The following COL12A1 variants were observed in gnomAD, a reference collection of about 807,000 sequenced individuals.
COL12A1 encodes the protein collagen alpha-1(XII) chain.
COL12A1 carries 114 observed loss-of-function variants against 349.7 expected under a neutral mutation model. The ratio of observed to expected loss-of-function variants is 0.33; its 90% confidence interval spans 0.28 to 0.38. COL12A1 has a LOEUF of 0.38. Among genes scored for constraint, COL12A1 ranks in the 10% least tolerant of loss-of-function variants. The pLI, the probability that COL12A1 is intolerant of heterozygous loss-of-function variation, is 1.00. For synonymous variants in COL12A1, 1,369 were observed against 1,329.0 expected, an observed-to-expected ratio of 1.03 and a Z score of -0.66; for missense variants, 3,284 against 3,756.9, an observed-to-expected ratio of 0.87 and a Z score of 3.29.
In COL12A1 at chr6:75,189,777, C is replaced by G. The variant is rs750624029; in HGVS notation, c.433G>C (p.Val145Leu). 1 of 1,613,096 alleles carries G rather than the reference C, an allele frequency of 6.2e-7. No homozygotes were observed. Among genetic ancestry groups the G allele is most frequent in the Non-Finnish European group, 8.5e-7 (1 of 1,179,282 alleles). ...VSAWTDLVFLVDGSWSVGRNN... is the reference protein window; with the variant it reads ...VSAWTDLVFLLDGSWSVGRNN... Reference sequence around the variant, plus strand: ...CTTCCCACACTCCAAGAGCCATCCACGAGGAAAACCAAATCAGTCCAGGCA... The same window carrying G: ...CTTCCCACACTCCAAGAGCCATCCAGGAGGAAAACCAAATCAGTCCAGGCA... Residue 145 changes from valine to leucine, a missense_variant, in exon 6 of 66, where the codon GTG becomes CTG. Val to Leu is a conservative substitution (Grantham distance 32). Coordinates refer to ENST00000322507, the MANE Select transcript of COL12A1 (RefSeq NM_004370.6).
Position 75,184,127 on chromosome 6 carries a change from T to C in COL12A1, c.1015A>G (p.Asn339Asp), listed in dbSNP as rs545605520. 1.2e-6 allele frequency: 2 copies of C among 1,613,720 alleles called. No homozygotes were observed. Among genetic ancestry groups the C allele is most frequent in the African/African-American group, 1.3e-5 (1 of 75,034 alleles). ...GAAGAGACTTCCATGGCAATCAAAT[T>C]TGAAGGAGGCTCAACAACTAAAAAG... ...SGEEVVEPPS[N>D]LIAMEVSSKY... Residue 339 changes from asparagine to aspartate, a missense_variant, in exon 9 of 66, where the codon AAT (asparagine) becomes GAT (aspartate). Coordinates refer to ENST00000322507, the MANE Select transcript of COL12A1 (RefSeq NM_004370.6).
In COL12A1 at chr6:75,189,383, T is replaced by A; in HGVS notation, c.659-2A>T. 1 of 1,611,450 alleles carries A rather than the reference T, an allele frequency of 6.2e-7. No individual in the cohort carries two copies. The highest frequency in any genetic ancestry group is 8.5e-7 in the Non-Finnish European group (1 of 1,179,054). On this transcript the variant is annotated splice_acceptor_variant, in intron 6 of 65. Coordinates refer to ENST00000322507, the MANE Select transcript of COL12A1 (RefSeq NM_004370.6). LOFTEE classifies it high-confidence loss of function. Reference sequence around the variant, plus strand: ...TAACTAAATAATCAATGGCATCCCCTAAAGGGAAAAGAAACATGTTCATTT... The same window carrying A: ...TAACTAAATAATCAATGGCATCCCCAAAAGGGAAAAGAAACATGTTCATTT...
intron 10 of COL12A1, 53 bp downstream of exon 10, chr6:75,182,997 C>A (rs1769396347): frequency 6.6e-7 from 1 of 1,524,768 alleles, no homozygotes; most frequent in African/African-American, 1.4e-5. Flanking sequence ...AATTTTAGAA[C>A]CAAAAATTCT....
At chr6:75,114,764 A>T (rs911355762) in intron 49 of COL12A1, among the ~76,000 whole-genome samples, 1 of 152,114 alleles carries the variant, frequency 6.6e-6, no homozygotes, top group Non-Finnish European at 1.5e-5. Context: ...TATTTTCTTC[A>T]CATCAACTCA....
At position 75,119,182 on chromosome 6, in the gene COL12A1, C is replaced by G. The variant is rs568748031; in HGVS notation, c.7215G>C (p.Lys2405Asn). 2 of 1,613,770 alleles carry G rather than the reference C, an allele frequency of 1.2e-6. No homozygotes were observed. The highest frequency in any genetic ancestry group is 1.3e-5 in the African/African-American group (1 of 74,894). Residue 2405 changes from lysine (K) to asparagine (N), a missense_variant, in exon 46 of 66, where the codon AAG becomes AAC. Transcript: ENST00000322507. ...RYRGGNTRTG[K>N]ALTFIKEKVL... ...CTTTCTCCTTGATAAACGTGAGGGC[C>G]TTGCCTACAGAATGTGGCATGGAAA...
At chr6:75,180,903 ATT>A (rs1491322006) in intron 11 of COL12A1, 34 bp downstream of exon 11, 17 of 1,580,858 alleles carry the variant, frequency 1.1e-5, no homozygotes, top group Non-Finnish European at 1.5e-5. Context: ...TAAATTATTC[ATT>A]TTCTGAATAA....
At position 75,091,448 on chromosome 6, in the gene COL12A1, T is replaced by C. The variant is rs745307208; in HGVS notation, c.8685+42A>G. On this transcript the variant is annotated intron_variant, in intron 61 of 65. Transcript: ENST00000322507. ...GTTCTATAGTTTTAGGCTTCAATGT[T>C]TAACACACAAAATAAACGTAAGATT... 3.1e-6 allele frequency: 5 copies of C among 1,612,536 alleles called. No homozygotes were observed. In the South Asian group the frequency reaches 5.5e-5, roughly 18 times the overall value.
At chr6:75,201,707 G>A (rs1446105499) in intron 2 of COL12A1, among the ~76,000 whole-genome samples, 1 of 152,106 alleles carries the variant, frequency 6.6e-6, no homozygotes, top group African/African-American at 2.4e-5. Context: ...CAGGTCTCCA[G>A]TGACAACTGA....
chr6:75,172,546 C>T (rs1300449903), intron 13 of COL12A1, among the ~76,000 whole-genome samples: 2 of 152,132 alleles, frequency 1.3e-5, no homozygotes, highest in East Asian at 1.9e-4. Context: ...CTAAAAAAAT[C>T]TTATGAACAA....
At chr6:75,169,180 G>T (rs920776369) in intron 13 of COL12A1, among the ~76,000 whole-genome samples, 2 of 152,164 alleles carry the variant, frequency 1.3e-5, no homozygotes, top group African/African-American at 4.8e-5. Flanking sequence ...GCATTTACTT[G>T]GTTCAATACA....
At chr6:75,118,258 A>C (rs1769184311) in intron 46 of COL12A1, among the ~76,000 whole-genome samples, 1 of 152,240 alleles carries the variant, frequency 6.6e-6, no homozygotes, top group South Asian at 2.1e-4. Flanking sequence ...AATACATTTT[A>C]TAAAAGATCA....
intron 51 of COL12A1, among the ~76,000 whole-genome samples, chr6:75,111,933 A>G (rs1768860040): frequency 6.6e-6 from 1 of 151,854 alleles, no homozygotes; most frequent in African/African-American, 2.4e-5. Flanking sequence ...CACTCTGGAA[A>G]GAAAGCAAGA....
At position 75,091,395 on chromosome 6, in the gene COL12A1, T is replaced by C. The variant is rs780369344; in HGVS notation, c.8686-6A>G. On this transcript the variant is annotated splice_polypyrimidine_tract_variant and splice_region_variant and intron_variant, in intron 61 of 65. Transcript: ENST00000322507. Reference sequence around the variant, plus strand: ...TTCTGGGAAGCAATGTCTCCCTTGTTGAATTAATGAGAATGATTAGCATAT... The same window carrying C: ...TTCTGGGAAGCAATGTCTCCCTTGTCGAATTAATGAGAATGATTAGCATAT... 4 of 1,613,748 alleles carry C rather than the reference T, an allele frequency of 2.5e-6. No individual in the cohort carries two copies. Among genetic ancestry groups the C allele is most frequent in the Middle Eastern group, 1.7e-4 (1 of 6,056 alleles).
intron 63 of COL12A1, among the ~76,000 whole-genome samples, 191 bp from the exon 64 acceptor site, chr6:75,089,365 G>GA (rs933408355): frequency 2.6e-5 from 4 of 152,012 alleles, no homozygotes; most frequent in Admixed American, 1.3e-4. Flanking sequence ...TTATGGCCAA[G>GA]AAAAAATTTG....
At chr6:75,127,772 T>C (rs943236905) in intron 38 of COL12A1, among the ~76,000 whole-genome samples, 3 of 152,166 alleles carry the variant, frequency 2.0e-5, no homozygotes, top group African/African-American at 7.2e-5. Context: ...ACCAGTATAG[T>C]GTAAAAATGG....
chr6:75,151,756 T>C (rs1022868564), intron 20 of COL12A1, 111 bp downstream of exon 20: 9 of 1,155,960 alleles, frequency 7.8e-6, no homozygotes, highest in East Asian at 2.4e-5. Flanking sequence ...AATTATGTGA[T>C]AGAAAAAAAT....
chr6:75,181,335 C>CT, intron 10 of COL12A1, 124 bp from the exon 11 acceptor site: 1 of 896,406 alleles, frequency 1.1e-6, no homozygotes, highest in South Asian at 1.8e-5. Flanking sequence ...ATTGAGACTA[C>CT]TGTACTGGGT....
At position 75,183,919 on chromosome 6, in the gene COL12A1, T is replaced by G. The variant is rs1325717704; in HGVS notation, c.1223A>C (p.Lys408Thr). 1.9e-6 allele frequency: 3 copies of G among 1,614,202 alleles called. No individual in the cohort carries two copies. The highest frequency in any genetic ancestry group is 1.3e-5 in the African/African-American group (1 of 75,052). ...AATGGGTTCACTGGATGTCATTCCC[T>G]TCATGGCGGAAACACTGATCTGGTA... ...TEYQISVSAM[K>T]GMTSSEPISI... The change falls in exon 9 of 66, where the codon AAG becomes ACG. Residue 408 changes from lysine (K) to threonine (T), a missense_variant. This residue lies in a region of COL12A1 where 2,601 missense variants were observed against 2,824.8 expected (regional missense o/e 0.92). Coordinates refer to ENST00000322507, the MANE Select transcript of COL12A1 (RefSeq NM_004370.6).
At chr6:75,087,281 G>A (rs201418377) in intron 65 of COL12A1, 11 of 303,024 alleles carry the variant, frequency 3.6e-5, no homozygotes, top group Non-Finnish European at 5.4e-5. Context: ...TTGGGGAAAA[G>A]AAAAAAAAAA....
Sources: gnomAD v4.1 joint callset for allele counts (sites outside exome capture counted in the v4.1 genomes callset) on GRCh38, gnomAD v4.1.1 for gene constraint, gnomAD v4.1.1 regional missense constraint, MANE v1.5 for transcripts, NCBI Gene and HGNC (gene_info 2026-07-23, HGNC 2026-07-21) for gene names.